Variants in SYN3 observed in about 807,000 individuals in gnomAD.
The protein encoded by SYN3 is synapsin-3.
SYN3 carries 35 observed loss-of-function variants against 65.8 expected under a neutral mutation model. That is an observed-to-expected ratio of 0.53 (90% CI 0.41 to 0.70). The LOEUF (loss-of-function observed/expected upper bound fraction) is 0.70. Among genes scored for constraint, SYN3 ranks in the 30% least tolerant of loss-of-function variants. The probability of loss-of-function intolerance (pLI) is 0.00; values close to 1 mark genes in which losing one functional copy is unlikely to be tolerated. For missense variants in SYN3, 680 were observed against 749.0 expected, an observed-to-expected ratio of 0.91 and a Z score of 1.08; for synonymous variants, 270 against 292.9, an observed-to-expected ratio of 0.92 and a Z score of 0.80.
At chr22:32,609,697 G>C (rs1321687922) in intron 6 of SYN3, among the ~76,000 whole-genome samples, 5 of 151,952 alleles carry the variant, frequency 3.3e-5, no homozygotes, top group Non-Finnish European at 5.9e-5. Context: ...TCGCTTTGTT[G>C]CCCAGGCTGG....
At chr22:32,532,134 T>A (rs2146171513) in intron 10 of SYN3, among the ~76,000 whole-genome samples, 1 of 152,416 alleles carries the variant, frequency 6.6e-6, no homozygotes, top group Middle Eastern at 3.4e-3. Flanking sequence ...ACAGGGCCCC[T>A]GCTCTTGTGT....
chr22:32,678,009 G>C (rs2060470193), intron 6 of SYN3, among the ~76,000 whole-genome samples: 1 of 152,150 alleles, frequency 6.6e-6, no homozygotes, highest in Non-Finnish European at 1.5e-5. Flanking sequence ...AGTTCTGCTG[G>C]AGTGTCATGA....
chr22:32,943,136 C>G (rs540635502), intron 3 of SYN3, among the ~76,000 whole-genome samples: 1 of 152,188 alleles, frequency 6.6e-6, no homozygotes, highest in African/African-American at 2.4e-5. Context: ...CTCCAAGACA[C>G]ATAATTGTCA....
intron 8 of SYN3, among the ~76,000 whole-genome samples, chr22:32,540,002 G>A (rs1413349167): frequency 2.6e-5 from 4 of 152,142 alleles, no homozygotes; most frequent in Non-Finnish European, 2.9e-5. Flanking sequence ...AGGAGGAAGA[G>A]GTTGATTAGT....
intron 3 of SYN3, among the ~76,000 whole-genome samples, chr22:32,966,561 C>T (rs1206529599): frequency 1.3e-5 from 2 of 152,128 alleles, no homozygotes; most frequent in East Asian, 3.9e-4. Flanking sequence ...GTGACCAAGC[C>T]TTCCCTGGAT....
At chr22:32,641,431 A>T (rs1395332307) in intron 6 of SYN3, among the ~76,000 whole-genome samples, 2 of 151,532 alleles carry the variant, frequency 1.3e-5, no homozygotes, top group East Asian at 3.9e-4. Flanking sequence ...ACACGGTGAA[A>T]CCCTGTCTCT....
chr22:32,851,929 C>T (rs774897576), intron 6 of SYN3, among the ~76,000 whole-genome samples: 1 of 152,158 alleles, frequency 6.6e-6, no homozygotes, highest in Non-Finnish European at 1.5e-5. Context: ...AGTAATAGTC[C>T]GTCCATCCAT....
intron 6 of SYN3, among the ~76,000 whole-genome samples, chr22:32,767,013 A>C (rs1253068942): frequency 6.6e-6 from 1 of 152,070 alleles, no homozygotes; most frequent in Non-Finnish European, 1.5e-5. Context: ...CAGTTCTTAC[A>C]TCTCTCCCTC....
intron 4 of SYN3, among the ~76,000 whole-genome samples, chr22:32,872,359 G>C (rs995512312): frequency 6.6e-6 from 1 of 152,150 alleles, no homozygotes; most frequent in African/African-American, 2.4e-5. Flanking sequence ...CTTTCCCTGC[G>C]ATCCTAGAGA....
Position 32,774,698 on chromosome 22 carries a change from G to A in SYN3, c.711+90217C>T, listed in dbSNP as rs546677096. ...CAAGCTCCGCCTCCGGGGTTCAAGT[G>A]ATTCTCCCGCCTCAGCCTCCCGAGT... On this transcript the variant is annotated intron_variant, in intron 6 of 13. Coordinates refer to ENST00000358763, the MANE Select transcript of SYN3 (RefSeq NM_003490.4). 6.3e-4 allele frequency among the ~76,000 whole-genome samples: 96 copies of A among 152,202 alleles called. 1 individual carries two copies. The highest frequency in any genetic ancestry group is 1.7e-3 in the African/African-American group (70 of 41,546).
chr22:32,510,571 A>T lies in SYN3; in HGVS notation c.*3121T>A, dbSNP rs756706727. 2.0e-5 allele frequency among the ~76,000 whole-genome samples: 3 copies of T among 152,152 alleles called. No individual in the cohort carries two copies. Among genetic ancestry groups the T allele is most frequent in the Non-Finnish European group, 2.9e-5 (2 of 68,020 alleles). ...CCTACAAGTTTTCTCTTACCCGTTTATTCAGGATGTCACACAGCATTATTT... is the reference window on the plus strand; with the variant it reads ...CCTACAAGTTTTCTCTTACCCGTTTTTTCAGGATGTCACACAGCATTATTT... On this transcript the variant is annotated 3_prime_UTR_variant, in exon 14 of 14. Transcript: ENST00000358763.
intron 4 of SYN3, among the ~76,000 whole-genome samples, chr22:32,887,779 G>A (rs1273191080): frequency 6.6e-6 from 1 of 152,190 alleles, no homozygotes; most frequent in Non-Finnish European, 1.5e-5. Context: ...GTTGTCTCCA[G>A]ATTGGGGCTA....
intron 8 of SYN3, among the ~76,000 whole-genome samples, chr22:32,538,800 C>T (rs766385820): frequency 6.6e-5 from 10 of 152,148 alleles, no homozygotes; most frequent in Non-Finnish European, 1.3e-4. Flanking sequence ...CCCGGTACTA[C>T]GCCCTACACT....
intron 4 of SYN3, among the ~76,000 whole-genome samples, chr22:32,902,085 C>T (rs923911221): frequency 1.3e-5 from 2 of 152,216 alleles, no homozygotes; most frequent in Non-Finnish European, 2.9e-5. Context: ...CAACTCTACA[C>T]CCAATTCCTC....
intron 9 of SYN3, among the ~76,000 whole-genome samples, chr22:32,534,189 G>T (rs1339877373): frequency 3.9e-5 from 6 of 152,160 alleles, no homozygotes. Flanking sequence ...GAGAGGCAGG[G>T]AGAGAAGGAA....
intron 4 of SYN3, among the ~76,000 whole-genome samples, chr22:32,874,008 C>T (rs1242776892): frequency 6.6e-6 from 1 of 152,102 alleles, no homozygotes; most frequent in South Asian, 2.1e-4. Context: ...GTGGCACACA[C>T]CTGTAATCCC....
intron 7 of SYN3, among the ~76,000 whole-genome samples, chr22:32,546,445 T>C (rs2146271020): frequency 1.3e-5 from 2 of 152,286 alleles, no homozygotes; most frequent in Admixed American, 1.3e-4. Context: ...CTTGGGTAGG[T>C]GCTACGCTCT....
At chr22:32,945,652 C>T (rs1601754344) in intron 3 of SYN3, among the ~76,000 whole-genome samples, 1 of 152,248 alleles carries the variant, frequency 6.6e-6, no homozygotes, top group African/African-American at 2.4e-5. Context: ...ATGTCTAAAA[C>T]ACCAAAAGCA....
In SYN3 at chr22:32,587,197, G is replaced by A. The variant is rs529256460; in HGVS notation, c.774+9477C>T. On this transcript the variant is annotated intron_variant, in intron 7 of 13. Coordinates refer to ENST00000358763, the MANE Select transcript of SYN3 (RefSeq NM_003490.4). ...AGATCACACCACTGCACTCCAGCCTGGGTGACAGAGCAAAGCTCTTATCTC... is the reference window on the plus strand; with the variant it reads ...AGATCACACCACTGCACTCCAGCCTAGGTGACAGAGCAAAGCTCTTATCTC... Among the ~76,000 whole-genome samples the A allele has an allele frequency of 1.4e-3, 209 of 147,668 alleles. 3 individuals carry two copies. The highest frequency in any genetic ancestry group is 5.1e-3 in the African/African-American group (201 of 39,700).
Sources: allele counts gnomAD v4.1 joint callset (sites outside exome capture counted in the v4.1 genomes callset), GRCh38; gene constraint gnomAD v4.1.1; transcripts MANE v1.5; gene names NCBI Gene and HGNC (gene_info 2026-07-23, HGNC 2026-07-21).